The following IL12RB2 variants were observed in gnomAD, a reference collection of about 807,000 sequenced individuals.
IL12RB2 encodes the protein interleukin 12 receptor subunit beta 2, also known as interleukin-12 receptor subunit beta-2.
Under a neutral mutation model 89.4 loss-of-function variants are expected in IL12RB2, and 82 were observed. That is an observed-to-expected ratio of 0.92 (90% CI 0.77 to 1.10). The LOEUF (loss-of-function observed/expected upper bound fraction) is 1.10, where lower values mean the gene tolerates loss of function less well. Among genes scored for constraint, IL12RB2 ranks in the 50% least tolerant of loss-of-function variants. IL12RB2 has a pLI of 0.00. For missense variants in IL12RB2, 963 were observed against 1,031.9 expected, an observed-to-expected ratio of 0.93 and a Z score of 0.92; for synonymous variants, 368 against 370.1, an observed-to-expected ratio of 0.99 and a Z score of 0.07.
intron 7 of IL12RB2, among the ~76,000 whole-genome samples, chr1:67,330,426 A>G (rs1257043709): frequency 6.6e-6 from 1 of 152,108 alleles, no homozygotes; most frequent in Non-Finnish European, 1.5e-5. Context: ...ACCTACATAG[A>G]TGGGTTCTTA....
chr1:67,367,835 TC>T lies in IL12RB2; in HGVS notation c.1271del (p.Pro424LeufsTer16). On this transcript the variant is annotated frameshift_variant, in exon 11 of 17. Transcript: ENST00000674203. LOFTEE classifies it high-confidence loss of function. ...TTCTGTCCGATAAAGGGTTGCTGGCTCCTCGCCAGGTCTCTGCAAACTCAGA... is the reference window on the plus strand; with the variant it reads ...TTCTGTCCGATAAAGGGTTGCTGGCTCTCGCCAGGTCTCTGCAAACTCAGA... The part of the protein sequence containing the change: ...MNLCEAGLLA[P>X]RQVSANSEGM... 1 of 1,579,096 alleles carries T rather than the reference TC, an allele frequency of 6.3e-7. No homozygotes were observed. Among genetic ancestry groups the T allele is most frequent in the Non-Finnish European group, 8.7e-7 (1 of 1,148,188 alleles).
intron 9 of IL12RB2, among the ~76,000 whole-genome samples, chr1:67,350,192 G>A (rs1660678320): frequency 6.6e-6 from 1 of 152,206 alleles, no homozygotes; most frequent in Non-Finnish European, 1.5e-5. Context: ...TGTTTCCCAT[G>A]GTCCTTGTCA....
At chr1:67,343,124 G>A (rs1273775293) in intron 9 of IL12RB2, among the ~76,000 whole-genome samples, 24 of 39,012 alleles carry the variant, frequency 6.2e-4, no homozygotes, top group Non-Finnish European at 8.5e-4. Context: ...GTCTCATTCT[G>A]TCCCCCAGGC....
chr1:67,379,040 T>G (rs1664283824), intron 13 of IL12RB2, among the ~76,000 whole-genome samples: 1 of 149,052 alleles, frequency 6.7e-6, no homozygotes, highest in South Asian at 2.1e-4. Context: ...CTACTAAAAA[T>G]ACAAAAATTA....
intron 6 of IL12RB2, 117 bp from the exon 7 acceptor site, chr1:67,329,470 A>G (rs1197198199): frequency 4.0e-6 from 3 of 752,076 alleles, no homozygotes; most frequent in Non-Finnish European, 4.9e-6. Context: ...ACCAAATTTG[A>G]TGGTTGTGCA....
At chr1:67,336,643 G>A (rs1230008274) in intron 8 of IL12RB2, among the ~76,000 whole-genome samples, 1 of 152,244 alleles carries the variant, frequency 6.6e-6, no homozygotes, top group Non-Finnish European at 1.5e-5. Flanking sequence ...AGAAAGGCAG[G>A]AAAAGGAAGT....
rs541872833 is a variant in IL12RB2, at chr1:67,379,917, A to G, written c.1718-69A>G. 16 of 1,163,944 alleles carry G rather than the reference A, an allele frequency of 1.4e-5. No homozygotes were observed. In the East Asian group the frequency reaches 1.4e-4, roughly 10 times the overall value. 72.1% of individuals were successfully genotyped at this position (1,163,944 alleles called of 1,614,324 possible). On this transcript the variant is annotated intron_variant, in intron 13 of 16. Transcript: ENST00000674203. ...TTAAATGAAGCATTAAAGAGTAAGA[A>G]TGAGTAGAAGCCTACATTAAAAGCC... is the stretch of plus-strand genomic sequence containing the variant.
intron 16 of IL12RB2, among the ~76,000 whole-genome samples, chr1:67,390,794 A>G (rs1665729629): frequency 6.6e-6 from 1 of 152,120 alleles, no homozygotes; most frequent in Non-Finnish European, 1.5e-5. Context: ...CTGAATATGA[A>G]GACTACATTT....
At chr1:67,338,867 T>G in intron 9 of IL12RB2, 164 bp downstream of exon 9, 5 of 651,750 alleles carry the variant, frequency 7.7e-6, no homozygotes, top group Non-Finnish European at 1.4e-5. Context: ...TGGATAGGGG[T>G]GAGAGCTGAG....
At chr1:67,389,601 C>T (rs1665592119) in intron 15 of IL12RB2, among the ~76,000 whole-genome samples, 1 of 152,008 alleles carries the variant, frequency 6.6e-6, no homozygotes, top group African/African-American at 2.4e-5. Context: ...TTTTGAATCC[C>T]GTCTTTTTTT....
intron 9 of IL12RB2, 57 bp from the exon 10 acceptor site, chr1:67,350,813 C>A: frequency 6.2e-7 from 1 of 1,602,338 alleles, no homozygotes; most frequent in South Asian, 1.1e-5. Flanking sequence ...GGTCCAGGCA[C>A]AGAGCATCAG....
At chr1:67,379,867 T>A (rs542949834) in intron 13 of IL12RB2, 119 bp from the exon 14 acceptor site, 1 of 843,974 alleles carries the variant, frequency 1.2e-6, no homozygotes, top group South Asian at 1.4e-5. Flanking sequence ...TATTTTAAAA[T>A]AGCAAAATGC....
At chr1:67,375,350 G>A (rs1389028993) in intron 13 of IL12RB2, among the ~76,000 whole-genome samples, 2 of 152,104 alleles carry the variant, frequency 1.3e-5, no homozygotes, top group African/African-American at 4.8e-5. Flanking sequence ...AGCTGAAATC[G>A]CACCACTGCA....
At chr1:67,353,950 T>C (rs1360761196) in intron 10 of IL12RB2, among the ~76,000 whole-genome samples, 1 of 152,248 alleles carries the variant, frequency 6.6e-6, no homozygotes, top group Non-Finnish European at 1.5e-5. Context: ...ACATTCATTA[T>C]GTTAGAGTTC....
At chr1:67,374,150 C>T (rs372305987) in intron 13 of IL12RB2, among the ~76,000 whole-genome samples, 15 of 152,310 alleles carry the variant, frequency 9.8e-5, no homozygotes, top group African/African-American at 3.4e-4. Flanking sequence ...CTCAATAATA[C>T]GTGGTAGAGA....
intron 1 of IL12RB2, among the ~76,000 whole-genome samples, chr1:67,311,140 C>T (rs550410660): frequency 5.3e-5 from 8 of 152,262 alleles, no homozygotes; most frequent in East Asian, 1.9e-4. Context: ...GTGTCCTGGG[C>T]GGATCCACTG....
At chr1:67,364,487 G>T (rs530774017) in intron 10 of IL12RB2, among the ~76,000 whole-genome samples, 1 of 152,312 alleles carries the variant, frequency 6.6e-6, no homozygotes, top group East Asian at 1.9e-4. Context: ...AAAGAAGCTG[G>T]AGTAGCTGTA....
At chr1:67,389,677 A>G (rs1361041515) in intron 15 of IL12RB2, among the ~76,000 whole-genome samples, 1 of 152,168 alleles carries the variant, frequency 6.6e-6, no homozygotes, top group African/African-American at 2.4e-5. Flanking sequence ...GCTAAATAGT[A>G]AGGGTAGGGA....
At chr1:67,380,415 T>A (rs1664449036) in intron 14 of IL12RB2, among the ~76,000 whole-genome samples, 1 of 152,232 alleles carries the variant, frequency 6.6e-6, no homozygotes, top group Admixed American at 6.5e-5. Context: ...CTCAAAACTC[T>A]GAATCCTGTA....
Sources: gnomAD v4.1 joint callset for allele counts (sites outside exome capture counted in the v4.1 genomes callset) on GRCh38, gnomAD v4.1.1 for gene constraint, MANE v1.5 for transcripts, NCBI Gene and HGNC (gene_info 2026-07-23, HGNC 2026-07-21) for gene names.